TTC39A: variants seen among roughly 807,000 people sequenced by gnomAD.
The protein encoded by TTC39A is tetratricopeptide repeat domain 39A.
TTC39A carries 46 observed loss-of-function variants against 82.3 expected under a neutral mutation model. The ratio of observed to expected loss-of-function variants is 0.56; its 90% CI spans 0.44 to 0.71. The LOEUF (loss-of-function observed/expected upper bound fraction) is 0.71. Ranked by LOEUF, TTC39A falls within the 30% of genes least tolerant of loss-of-function variation. The pLI, the probability that TTC39A is intolerant of heterozygous loss-of-function variation, is 0.00. For missense variants in TTC39A, 543 were observed against 712.9 expected (o/e 0.76, Z 2.71); for synonymous variants, 254 against 275.2 (o/e 0.92, Z 0.76).
chr1:51,289,488 G>C (rs1401307867), intron 16 of TTC39A, among the ~76,000 whole-genome samples: 1 of 152,142 alleles, frequency 6.6e-6, no homozygotes, highest in African/African-American at 2.4e-5. Flanking sequence ...CCATGCACTG[G>C]TGCATGCTGT....
intron 1 of TTC39A, among the ~76,000 whole-genome samples, chr1:51,341,177 GC>G (rs34782330): frequency 1.5e-5 from 2 of 136,124 alleles, no homozygotes; most frequent in African/African-American, 2.8e-5. Context: ...AAAATAAACC[GC>G]CCCCCCACCC....
At chr1:51,289,497 G>A (rs1644120825) in intron 16 of TTC39A, among the ~76,000 whole-genome samples, 1 of 152,146 alleles carries the variant, frequency 6.6e-6, no homozygotes, top group Non-Finnish European at 1.5e-5. Flanking sequence ...GGTGCATGCT[G>A]TACTTACTCC....
Position 51,295,947 on chromosome 1 carries a change from C to T in TTC39A, c.1145+132G>A, listed in dbSNP as rs370847313. The T allele has an allele frequency of 1.9e-4, 174 of 912,666 alleles. No individual in the cohort carries two copies. In the East Asian group the frequency reaches 4.0e-3, roughly 21 times the overall value. 56.5% of individuals were successfully genotyped at this position (912,666 alleles called of 1,614,324 possible). ...GAGGACACGCAGGGGGGGCAGTCCG[C>T]GGGTGGGGGCAGGGAGCCACCCTAC... On this transcript the variant is annotated intron_variant, in intron 13 of 17. Transcript: ENST00000680483.
intron 3 of TTC39A, 73 bp downstream of exon 3, chr1:51,312,739 G>A: frequency 2.6e-6 from 4 of 1,565,720 alleles, no homozygotes; most frequent in Non-Finnish European, 3.5e-6. Flanking sequence ...TGGCATGTTA[G>A]GCCCTGGAAT....
chr1:51,295,269 G>A (rs1303670780), intron 13 of TTC39A, among the ~76,000 whole-genome samples: 1 of 152,182 alleles, frequency 6.6e-6, no homozygotes, highest in Non-Finnish European at 1.5e-5. Flanking sequence ...CTGAGAGGGG[G>A]ACATGGAGTC....
intron 1 of TTC39A, among the ~76,000 whole-genome samples, chr1:51,325,212 C>T (rs1397346958): frequency 6.6e-6 from 1 of 151,702 alleles, no homozygotes; most frequent in Non-Finnish European, 1.5e-5. Context: ...AGAGATCGCA[C>T]CATTACATTC....
chr1:51,302,849 G>T (rs1021948656), intron 9 of TTC39A, among the ~76,000 whole-genome samples: 3 of 152,176 alleles, frequency 2.0e-5, no homozygotes, highest in Non-Finnish European at 4.4e-5. Flanking sequence ...CCCTCTACAG[G>T]GTGGGCACAA....
intron 4 of TTC39A, 118 bp downstream of exon 4, chr1:51,312,001 G>C: frequency 9.0e-7 from 1 of 1,106,000 alleles, no homozygotes; most frequent in Non-Finnish European, 1.3e-6. Flanking sequence ...GTGTGTCCTG[G>C]CATGGACACC....
rs1465116034 is a variant in TTC39A at position 51,294,644 on chromosome 1, C to T, written c.1146-133G>A. On this transcript the variant is annotated intron_variant, in intron 13 of 17. Transcript: ENST00000680483. The surrounding 1 kb of genome is among the most constrained non-coding windows in gnomAD (Gnocchi z 4.3). ...CCATCTGCACAATGACAGTGTTAGACTCTAAAGAGCCTTCTAGGTCTGAAA... is the reference window on the plus strand; with the variant it reads ...CCATCTGCACAATGACAGTGTTAGATTCTAAAGAGCCTTCTAGGTCTGAAA... The T allele has an allele frequency of 7.4e-7, 1 of 1,345,768 alleles. No individual in the cohort carries two copies. Among genetic ancestry groups the T allele is most frequent in the Admixed American group, 2.3e-5 (1 of 43,646 alleles). The allele number at this position is 1,345,768 out of a possible 1,614,324, so 83.4% of individuals were successfully genotyped here.
upstream of TTC39A, chr1:51,331,450 T>C: frequency 2.1e-6 from 3 of 1,401,256 alleles, no homozygotes; most frequent in Non-Finnish European, 2.8e-6. Flanking sequence ...ATTAGAGCTG[T>C]CCCTTCACAA....
At chr1:51,318,697 T>C (rs1645385779) in intron 2 of TTC39A, among the ~76,000 whole-genome samples, 2 of 152,014 alleles carry the variant, frequency 1.3e-5, no homozygotes, top group East Asian at 1.9e-4. Flanking sequence ...GTGGCAGAGA[T>C]GATTAGACCC....
intron 1 of TTC39A, among the ~76,000 whole-genome samples, chr1:51,327,217 G>T (rs759762486): frequency 2.0e-5 from 3 of 152,188 alleles, no homozygotes. Flanking sequence ...AGGTGGGTGT[G>T]GGGTGGGTGA....
intron 1 of TTC39A, among the ~76,000 whole-genome samples, chr1:51,344,433 G>C (rs979997400): frequency 6.6e-6 from 1 of 152,192 alleles, no homozygotes; most frequent in Non-Finnish European, 1.5e-5. Context: ...GTCAGCTAGG[G>C]AGGTGGCTGA....
At chr1:51,292,976 G>A (rs919524067) in intron 14 of TTC39A, among the ~76,000 whole-genome samples, 1 of 151,984 alleles carries the variant, frequency 6.6e-6, no homozygotes, top group East Asian at 1.9e-4. Context: ...TACAGTTTGG[G>A]AAATTCTCCC....
At chr1:51,298,331 CCAAA>C (rs1423718738) in intron 12 of TTC39A, 1 of 152,436 alleles carries the variant, frequency 6.6e-6, no homozygotes, top group Non-Finnish European at 1.5e-5. Context: ...TGGATAAAGC[CCAAA>C]CAGCCACTCA....
rs1360662936 is a variant in TTC39A at position 51,312,859 on chromosome 1, G to A, written c.231C>T (p.Ile77=). 2 of 1,613,984 alleles carry A rather than the reference G, an allele frequency of 1.2e-6. No individual in the cohort carries two copies. Among genetic ancestry groups the A allele is most frequent in the Admixed American group, 3.3e-5 (2 of 60,028 alleles). The part of the protein sequence containing the change: ...QAMMTFDPQD[I]LLAGNMMKEA... ...CCTTCATCATGTTGCCGGCAAGCAG[G>A]ATGTCCTGAGGGTCAAAGGTCATCA... is the stretch of plus-strand genomic sequence containing the variant. The change falls in exon 3 of 18, where the codon ATC becomes ATT. Residue 77 remains isoleucine, a synonymous_variant. Transcript: ENST00000680483.
At chr1:51,320,751 T>C (rs752927281) in intron 2 of TTC39A, among the ~76,000 whole-genome samples, 4 of 148,132 alleles carry the variant, frequency 2.7e-5, no homozygotes, top group Non-Finnish European at 6.0e-5. Context: ...CCACGCCTAG[T>C]TAAACACTGA....
Position 51,330,341 on chromosome 1 carries a change from C to T in TTC39A, c.41+96G>A. The T allele has an allele frequency of 1.1e-6, 1 of 921,696 alleles. No individual in the cohort carries two copies. The highest frequency in any genetic ancestry group is 1.3e-6 in the Non-Finnish European group (1 of 773,458). 57.1% of individuals were successfully genotyped at this position (921,696 alleles called of 1,614,324 possible). A position where few individuals can be genotyped will look rare whatever the true frequency, so the allele number is the denominator to read the frequency against. On this transcript the variant is annotated intron_variant, in intron 1 of 17. Coordinates refer to ENST00000680483, the MANE Select transcript of TTC39A (RefSeq NM_001297663.2). This position sits in a 1 kb window ranked among gnomAD's most constrained non-coding sequence, Gnocchi z 4.5. Reference sequence around the variant, plus strand: ...CTGGAAGCCGCAGTGCGGCCCCAGGCCGGTGCGCGGGGGGAGGCCTGGCGC... The same window carrying T: ...CTGGAAGCCGCAGTGCGGCCCCAGGTCGGTGCGCGGGGGGAGGCCTGGCGC...
intron 1 of TTC39A, among the ~76,000 whole-genome samples, chr1:51,327,802 T>C (rs1004868973): frequency 1.3e-5 from 2 of 151,622 alleles, no homozygotes; most frequent in Admixed American, 6.6e-5. Context: ...GTTCAAGAGA[T>C]TCTCCTGCCT....
Sources: allele counts gnomAD v4.1 joint callset (sites outside exome capture counted in the v4.1 genomes callset), GRCh38; gene constraint gnomAD v4.1.1; non-coding constraint Gnocchi (gnomAD v3.1); transcripts MANE v1.5; gene names NCBI Gene and HGNC (gene_info 2026-07-23, HGNC 2026-07-21).